GFY: variants seen among roughly 807,000 people sequenced by gnomAD.
The protein encoded by GFY is Golgi-associated olfactory signaling regulator.
Under a neutral mutation model 29.1 loss-of-function variants are expected in GFY, and 28 were observed. The observed-to-expected ratio is 0.96, with a 90% CI of 0.71 to 1.32. The LOEUF is 1.32. Among genes scored for constraint, GFY ranks in the 40% most tolerant of loss-of-function variants. The pLI, the probability that GFY is intolerant of heterozygous loss-of-function variation, is 0.00. For synonymous variants in GFY, 277 were observed against 274.5 expected (o/e 1.01, Z -0.09); for missense variants, 656 against 661.9 (o/e 0.99, Z 0.10).
At chr19:49,425,801 C>T (rs1975065841) in intron 1 of GFY, among the ~76,000 whole-genome samples, 1 of 152,134 alleles carries the variant, frequency 6.6e-6, no homozygotes, top group Non-Finnish European at 1.5e-5. Flanking sequence ...ATCCAGCCCC[C>T]AAACCTTGCT....
rs1209361711 is a variant in GFY at position 49,427,021 on chromosome 19, C to A, written c.591C>A (p.Leu197=). Residue 197 remains leucine, a synonymous_variant, in exon 2 of 4, where the codon CTC becomes CTA. Coordinates refer to ENST00000610896, the MANE Select transcript of GFY (RefSeq NM_001195256.2). ...CCACTGAAGTCTCACAGGCAGAACT[C>A]CCCGAGACCTCAAACACTAACCCTA... ...LNATEVSQAE[L]PETSNTNPTK... The A allele has an allele frequency of 6.5e-7, 1 of 1,535,854 alleles. No individual in the cohort carries two copies. The highest frequency in any genetic ancestry group is 8.7e-7 in the Non-Finnish European group (1 of 1,146,832).
Position 49,428,669 on chromosome 19 carries a change from C to G in GFY, c.1408C>G (p.Pro470Ala). 1 of 1,529,750 alleles carries G rather than the reference C, an allele frequency of 6.5e-7. No homozygotes were observed. The highest frequency in any genetic ancestry group is 1.2e-5 in the South Asian group (1 of 83,368). The allele number at this position is 1,529,750 out of a possible 1,614,324, so 94.8% of individuals were successfully genotyped here. The change falls in exon 4 of 4, where the codon CCG becomes GCG. Residue 470 changes from proline to alanine, a missense_variant. By Grantham distance (27) the Pro-to-Ala change is conservative. Coordinates refer to ENST00000610896, the MANE Select transcript of GFY (RefSeq NM_001195256.2). ...KDPYDLYFYA[P>A]DTWVPSHIAT... Reference sequence around the variant, plus strand: ...CCCCTACGACCTCTACTTTTATGCTCCGGATACCTGGGTCCCTTCCCACAT... The same window carrying G: ...CCCCTACGACCTCTACTTTTATGCTGCGGATACCTGGGTCCCTTCCCACAT...
chr19:49,428,000 T>C lies in GFY; in HGVS notation c.1238T>C (p.Phe413Ser), dbSNP rs979496153. The change falls in exon 3 of 4, where the codon TTC becomes TCC. Residue 413 changes from phenylalanine to serine, a missense_variant. Phe to Ser is a radical substitution (Grantham distance 155). Coordinates refer to ENST00000610896, the MANE Select transcript of GFY (RefSeq NM_001195256.2). ...GCAGCAGGCGGGGCCCTCTGCCTGT[T>C]CTTCGCGGGGACCGCGCTGCTGATC... ...RGAAGGALCL[F>S]FAGTALLIGI... 61 of 1,535,838 alleles carry C rather than the reference T, an allele frequency of 4.0e-5. No individual in the cohort carries two copies. Among genetic ancestry groups the C allele is most frequent in the Non-Finnish European group, 5.2e-5 (60 of 1,146,728 alleles).
upstream of GFY, among the ~76,000 whole-genome samples, chr19:49,424,672 G>A (rs1027524792): frequency 3.9e-5 from 6 of 152,096 alleles, no homozygotes; most frequent in South Asian, 2.1e-4. Flanking sequence ...CCAACATGGC[G>A]AAACTCCTTC....
At chr19:49,427,840 G>A (rs1975096550) in intron 2 of GFY, 106 bp from the exon 3 acceptor site, 2 of 1,381,448 alleles carry the variant, frequency 1.4e-6, no homozygotes, top group South Asian at 1.4e-5. Flanking sequence ...AGAAGGGTTT[G>A]GGAACAGGAA....
Position 49,426,883 on chromosome 19 carries a change from G to A in GFY, c.453G>A (p.Glu151=), listed in dbSNP as rs895603934. ...AAATGCCACACCCAGGATCCCCTGAGACCCCCAAACCTAACTTCTCCAAAA... is the reference window on the plus strand; with the variant it reads ...AAATGCCACACCCAGGATCCCCTGAAACCCCCAAACCTAACTTCTCCAAAA... ...PTEMPHPGSP[E]TPKPNFSKTS... is the part of the protein sequence containing the mutation. The change falls in exon 2 of 4, where the codon GAG becomes GAA. Residue 151 remains glutamate (E), a synonymous_variant. Coordinates refer to ENST00000610896, the MANE Select transcript of GFY (RefSeq NM_001195256.2). 7.8e-6 allele frequency: 12 copies of A among 1,535,598 alleles called. No individual in the cohort carries two copies. Among genetic ancestry groups the A allele is most frequent in the Non-Finnish European group, 1.0e-5 (12 of 1,146,762 alleles).
chr19:49,425,018 G>C (rs866043779), upstream of GFY, among the ~76,000 whole-genome samples: 12 of 151,846 alleles, frequency 7.9e-5, no homozygotes, highest in African/African-American at 2.9e-4. Context: ...CAGGGACCCA[G>C]ATTCCTATGT....
At chr19:49,425,795 A>C (rs1975065750) in intron 1 of GFY, among the ~76,000 whole-genome samples, 2 of 152,098 alleles carry the variant, frequency 1.3e-5, no homozygotes, top group East Asian at 3.9e-4. Context: ...CCTGCAATCC[A>C]GCCCCCAAAC....
chr19:49,426,895 TAACTTCTCCAA>T lies in GFY; in HGVS notation c.472_482del (p.Ser158ThrfsTer6), dbSNP rs1975079593. ...CAGGATCCCCTGAGACCCCCAAACC[TAACTTCTCCAA>T]AACTTCACGCCCAGAATTTCCTGAG... On this transcript the variant is annotated frameshift_variant, in exon 2 of 4. Coordinates refer to ENST00000610896, the MANE Select transcript of GFY (RefSeq NM_001195256.2). LOFTEE classifies it high-confidence loss of function. 6.5e-7 allele frequency: 1 copy of T among 1,535,462 alleles called. No homozygotes were observed. Among genetic ancestry groups the T allele is most frequent in the Non-Finnish European group, 8.7e-7 (1 of 1,146,786 alleles).
rs1186067026 is a variant in GFY at position 49,427,481 on chromosome 19, C to T, written c.1051C>T (p.Arg351Trp). 7 of 1,534,976 alleles carry T rather than the reference C, an allele frequency of 4.6e-6. No individual in the cohort carries two copies. Among genetic ancestry groups the T allele is most frequent in the Non-Finnish European group, 6.1e-6 (7 of 1,146,166 alleles). Residue 351 changes from arginine to tryptophan, a missense_variant, in exon 2 of 4, where the codon CGG becomes TGG. Physicochemically the swap from Arg to Trp is moderately radical, Grantham distance 101. Transcript: ENST00000610896. ...GTCCAACGTCCCTCCTCCCTCAGCCCGGATTGCAGGTCCCCCTGCTCTTCC... is the reference window on the plus strand; with the variant it reads ...GTCCAACGTCCCTCCTCCCTCAGCCTGGATTGCAGGTCCCCCTGCTCTTCC... The part of the protein sequence containing the change: ...KESNVPPPSA[R>W]IAGPPALPGR...
In GFY at chr19:49,427,070, C is replaced by G. The variant is rs1975083134; in HGVS notation, c.640C>G (p.Pro214Ala). 1 of 1,535,508 alleles carries G rather than the reference C, an allele frequency of 6.5e-7. No individual in the cohort carries two copies. The highest frequency in any genetic ancestry group is 1.4e-5 in the African/African-American group (1 of 72,846). ...NPTKTPDPKSPEKHDLNSTET... is the reference protein window; with the variant it reads ...NPTKTPDPKSAEKHDLNSTET... ...TACCAAGACCCCTGACCCCAAATCC[C>G]CAGAAAAGCATGACCTCAACTCCAC... Residue 214 changes from proline to alanine, a missense_variant, in exon 2 of 4, where the codon CCA becomes GCA. Physicochemically the swap from Pro to Ala is conservative, Grantham distance 27. Coordinates refer to ENST00000610896, the MANE Select transcript of GFY (RefSeq NM_001195256.2).
At chr19:49,425,856 A>G (rs1277704073) in intron 1 of GFY, among the ~76,000 whole-genome samples, 4 of 151,948 alleles carry the variant, frequency 2.6e-5, no homozygotes, top group South Asian at 2.1e-4. Context: ...TCTCCTCTCT[A>G]AAGAACCAGG....
At position 49,427,875 on chromosome 19, in the gene GFY, C is replaced by T. The variant is rs368125589; in HGVS notation, c.1184-71C>T. The T allele has an allele frequency of 2.0e-3, 2,913 of 1,472,542 alleles. 18 individuals are homozygous for T. In the Middle Eastern group the frequency reaches 0.03, roughly 15 times the overall value. The allele number at this position is 1,472,542 out of a possible 1,614,324, so 91.2% of individuals were successfully genotyped here. On this transcript the variant is annotated intron_variant, in intron 2 of 3. Transcript: ENST00000610896. ...ATTCCTGGATCTGAGGGAGGAGGGG[C>T]TAGGAGCTTGGACCCCTGGGTCTGA...
At position 49,426,906 on chromosome 19, in the gene GFY, A is replaced by C; in HGVS notation, c.476A>C (p.Lys159Thr). 6.5e-7 allele frequency: 1 copy of C among 1,535,838 alleles called. No individual in the cohort carries two copies. ...SPETPKPNFS[K>T]TSRPEFPETP... ...GAGACCCCCAAACCTAACTTCTCCA[A>C]AACTTCACGCCCAGAATTTCCTGAG... The change falls in exon 2 of 4, where the codon AAA becomes ACA. Residue 159 changes from lysine (K) to threonine (T), a missense_variant. Physicochemically the swap from Lys to Thr is moderately conservative, Grantham distance 78. Transcript: ENST00000610896.
chr19:49,427,577 A>G lies in GFY; in HGVS notation c.1147A>G (p.Asn383Asp), dbSNP rs1328150865. ...PQRHSRGEGV[N>D]TIIVVERVKE... ...GAGGCACAGCCGAGGTGAGGGAGTC[A>G]ACACCATCATCGTGGTGGAGCGAGT... Residue 383 changes from asparagine (N) to aspartate (D), a missense_variant, in exon 2 of 4, where the codon AAC becomes GAC. By Grantham distance (23) the Asn-to-Asp change is conservative. Coordinates refer to ENST00000610896, the MANE Select transcript of GFY (RefSeq NM_001195256.2). 1.1e-5 allele frequency: 16 copies of G among 1,489,462 alleles called. No homozygotes were observed. In the Middle Eastern group the frequency reaches 5.2e-4, roughly 49 times the overall value. The allele number at this position is 1,489,462 out of a possible 1,614,324, so 92.3% of individuals were successfully genotyped here.
rs764899044 is a variant in GFY, at chr19:49,428,737, G to T, written c.1476G>T (p.Lys492Asn). 3 of 1,522,270 alleles carry T rather than the reference G, an allele frequency of 2.0e-6. No individual in the cohort carries two copies. Among genetic ancestry groups the T allele is most frequent in the Non-Finnish European group, 2.6e-6 (3 of 1,139,894 alleles). The allele number at this position is 1,522,270 out of a possible 1,614,324, so 94.3% of individuals were successfully genotyped here. A position where few individuals can be genotyped will look rare whatever the true frequency, so the allele number is the denominator to read the frequency against. ...QPPPTPPLPP[K>N]LPPPPRGGRP... ...CGCCCACACCTCCTCTGCCACCAAAGCTGCCCCCGCCGCCCCGCGGGGGTC... is the reference window on the plus strand; with the variant it reads ...CGCCCACACCTCCTCTGCCACCAAATCTGCCCCCGCCGCCCCGCGGGGGTC... The change falls in exon 4 of 4, where the codon AAG becomes AAT. Residue 492 changes from lysine to asparagine, a missense_variant. Lys to Asn is a moderately conservative substitution (Grantham distance 94, BLOSUM62 0). Transcript: ENST00000610896.
At position 49,428,669 on chromosome 19, in the gene GFY, C is replaced by T; in HGVS notation, c.1408C>T (p.Pro470Ser). The T allele has an allele frequency of 6.5e-7, 1 of 1,529,750 alleles. No homozygotes were observed. Among genetic ancestry groups the T allele is most frequent in the Non-Finnish European group, 8.7e-7 (1 of 1,143,570 alleles). The allele number at this position is 1,529,750 out of a possible 1,614,324, so 94.8% of individuals were successfully genotyped here. A position where few individuals can be genotyped will look rare whatever the true frequency, so the allele number is the denominator to read the frequency against. The change falls in exon 4 of 4, where the codon CCG becomes TCG. Residue 470 changes from proline to serine, a missense_variant. Transcript: ENST00000610896. ...CCCCTACGACCTCTACTTTTATGCT[C>T]CGGATACCTGGGTCCCTTCCCACAT... ...KDPYDLYFYAPDTWVPSHIAT... is the reference protein window; with the variant it reads ...KDPYDLYFYASDTWVPSHIAT...
In GFY at chr19:49,427,167, A is replaced by G. The variant is rs1301216925; in HGVS notation, c.737A>G (p.His246Arg). 6.5e-7 allele frequency: 1 copy of G among 1,535,730 alleles called. No homozygotes were observed. Among genetic ancestry groups the G allele is most frequent in the East Asian group, 2.4e-5 (1 of 40,904 alleles). ...DPSKTPHPES[H>R]VTHNPSPTEI... ...TCTAAAACCCCCCACCCAGAATCCC[A>G]TGTGACCCACAATCCCAGCCCCACC... Residue 246 changes from histidine (H) to arginine (R), a missense_variant, in exon 2 of 4, where the codon CAT (histidine) becomes CGT (arginine). His to Arg is a conservative substitution (Grantham distance 29, BLOSUM62 0). Transcript: ENST00000610896.
At chr19:49,426,364 T>G in intron 1 of GFY, 46 bp from the exon 2 acceptor site, 1 of 1,449,556 alleles carries the variant, frequency 6.9e-7, no homozygotes, top group Non-Finnish European at 9.0e-7. Flanking sequence ...GCGGGGCTCC[T>G]GGGAGCCTTC....
Sources: allele counts gnomAD v4.1 joint callset (sites outside exome capture counted in the v4.1 genomes callset), GRCh38; gene constraint gnomAD v4.1.1; transcripts MANE v1.5; gene names NCBI Gene and HGNC (gene_info 2026-07-23, HGNC 2026-07-21).